The following LRP1B variants were observed in gnomAD, a reference collection of about 807,000 sequenced individuals.
LRP1B encodes the protein low-density lipoprotein receptor-related protein 1B.
In LRP1B, 217 loss-of-function variants were observed where a neutral mutation model predicts 556.6. The ratio of observed to expected loss-of-function variants is 0.39; its 90% CI spans 0.35 to 0.44. The LOEUF is 0.44. Among genes scored for constraint, LRP1B ranks in the 20% least tolerant of loss-of-function variants. LRP1B has a pLI of 1.00. For synonymous variants in LRP1B, 2,047 were observed against 1,865.8 expected (o/e 1.10, Z -2.50); for missense variants, 5,053 against 5,620.8 (o/e 0.90, Z 3.23).
chr2:141,459,612 G>C (rs891379233), intron 3 of LRP1B, among the ~76,000 whole-genome samples: 35 of 152,168 alleles, frequency 2.3e-4, no homozygotes, highest in African/African-American at 7.9e-4. Flanking sequence ...ACTGAGTCAG[G>C]AGGGTGGGTC....
rs566964320 is a variant in LRP1B, at chr2:140,996,834, A to T, written c.2504-2699T>A. 3.9e-5 allele frequency among the ~76,000 whole-genome samples: 6 copies of T among 152,150 alleles called. No individual in the cohort carries two copies. The East Asian group carries it at 1.2e-3, about 30-fold the overall frequency. ...AGGGATATGTAGACAGAACGAAGAG[A>T]GTCAAAGTTCCACCTACACTCAAAA... On this transcript the variant is annotated intron_variant, in intron 15 of 90. Coordinates refer to ENST00000389484, the MANE Select transcript of LRP1B (RefSeq NM_018557.3).
chr2:141,517,029 A>AAAAAAAAAAAAAAAACAAAAAAAC (rs772472942), intron 2 of LRP1B, among the ~76,000 whole-genome samples: 7 of 90,192 alleles, frequency 7.8e-5, no homozygotes, highest in Non-Finnish European at 1.3e-4. Context: ...AAAAAAAAAA[A>AAAAAAAAAAAAAAAACAAAAAAAC]AAAGTAAATC....
chr2:140,683,755 GTCTC>G, intron 41 of LRP1B: 1 of 963,700 alleles, frequency 1.0e-6, no homozygotes. Flanking sequence ...AGCCTTCTCA[GTCTC>G]TCTCTCCTGA....
intron 27 of LRP1B, among the ~76,000 whole-genome samples, chr2:140,855,490 T>TG (rs1248279437): frequency 6.4e-4 from 8 of 12,550 alleles, no homozygotes; most frequent in South Asian, 3.8e-3. Flanking sequence ...CCATCTCTAC[T>TG]GGGAAAAAAA....
intron 7 of LRP1B, among the ~76,000 whole-genome samples, chr2:141,088,398 A>C (rs886732656): frequency 6.6e-6 from 1 of 152,218 alleles, no homozygotes; most frequent in Non-Finnish European, 1.5e-5. Flanking sequence ...TAAAAAGTGA[A>C]ATAAAAACTT....
chr2:140,557,197 C>T (rs1343176298), intron 43 of LRP1B, among the ~76,000 whole-genome samples: 5 of 152,010 alleles, frequency 3.3e-5, no homozygotes, highest in African/African-American at 9.7e-5. Context: ...CTTCAACTCC[C>T]AACAATTTTC....
chr2:141,144,887 T>A (rs760571181), intron 7 of LRP1B, among the ~76,000 whole-genome samples: 4 of 152,210 alleles, frequency 2.6e-5, no homozygotes, highest in Non-Finnish European at 5.9e-5. Flanking sequence ...TAAATGAACA[T>A]GCACTCGATT....
chr2:140,801,084 A>G (rs1489681167), intron 32 of LRP1B, among the ~76,000 whole-genome samples: 2 of 152,130 alleles, frequency 1.3e-5, no homozygotes, highest in Non-Finnish European at 2.9e-5. Context: ...ATTTATTCAT[A>G]TATTTTACTA....
At chr2:142,007,833 CTGTAAG>C (rs1380472290) in intron 1 of LRP1B, among the ~76,000 whole-genome samples, 10 of 152,290 alleles carry the variant, frequency 6.6e-5, no homozygotes, top group South Asian at 2.1e-4. Flanking sequence ...CCATCTGGCT[CTGTAAG>C]TGTAAGTTAT....
chr2:140,467,420 A>G (rs942297901), intron 60 of LRP1B, among the ~76,000 whole-genome samples: 1 of 151,608 alleles, frequency 6.6e-6, no homozygotes, highest in Non-Finnish European at 1.5e-5. Flanking sequence ...CCTGGCCAAC[A>G]TGGTGAAACC....
At chr2:140,446,054 T>TAA (rs35912754) in intron 63 of LRP1B, among the ~76,000 whole-genome samples, 48,728 of 151,886 alleles carry the variant, frequency 0.32, 8,301 homozygotes, top group Non-Finnish European at 0.35. Flanking sequence ...TCCATAGAAA[T>TAA]GAGAGTTCTA....
At position 140,776,210 on chromosome 2, in the gene LRP1B, G is replaced by T; in HGVS notation, c.5388C>A (p.Asn1796Lys). The T allele has an allele frequency of 6.2e-7, 1 of 1,602,282 alleles. No individual in the cohort carries two copies. The highest frequency in any genetic ancestry group is 1.1e-5 in the South Asian group (1 of 90,010). Residue 1796 changes from asparagine to lysine, a missense_variant, in exon 33 of 91, where the codon AAC (asparagine) becomes AAA (lysine). Coordinates refer to ENST00000389484, the MANE Select transcript of LRP1B (RefSeq NM_018557.3). ...MDKKLWWADQ[N>K]LAQLGTCSKR... The stretch of plus-strand genomic sequence containing the variant: ...TGCTGCAGGTTCCTAGCTGGGCTAA[G>T]TTTTGGTCTGCCCACCACAGTTTCT...
chr2:140,287,443 C>T (rs767033359), intron 84 of LRP1B, among the ~76,000 whole-genome samples: 1 of 151,540 alleles, frequency 6.6e-6, no homozygotes, highest in South Asian at 2.1e-4. Context: ...TCGTCCTATC[C>T]ATCTGAATTT....
At chr2:142,000,685 G>A (rs919176939) in intron 1 of LRP1B, among the ~76,000 whole-genome samples, 1 of 151,970 alleles carries the variant, frequency 6.6e-6, no homozygotes, top group Non-Finnish European at 1.5e-5. Context: ...CTTACTTTTT[G>A]CCAGAAACAG....
chr2:141,248,676 T>C (rs1406628595), intron 4 of LRP1B, among the ~76,000 whole-genome samples: 1 of 152,128 alleles, frequency 6.6e-6, no homozygotes, highest in African/African-American at 2.4e-5. Context: ...TGAAGATATT[T>C]GTATGCTGAA....
At chr2:141,279,508 T>C (rs1027041168) in intron 3 of LRP1B, among the ~76,000 whole-genome samples, 1 of 152,074 alleles carries the variant, frequency 6.6e-6, no homozygotes, top group African/African-American at 2.4e-5. Context: ...TTGCTTGGCA[T>C]GTCACAAATT....
chr2:140,937,548 G>C (rs1695266276), intron 20 of LRP1B, among the ~76,000 whole-genome samples: 1 of 152,054 alleles, frequency 6.6e-6, no homozygotes, highest in Non-Finnish European at 1.5e-5. Context: ...ACAACAATAT[G>C]AATGTACTTA....
intron 18 of LRP1B, among the ~76,000 whole-genome samples, chr2:140,963,590 C>T (rs10928082): frequency 0.18 from 27,594 of 151,972 alleles, 2,603 homozygotes; most frequent in South Asian, 0.25. Flanking sequence ...GGCCAGTAAC[C>T]GGTGAGGCAG....
intron 1 of LRP1B, among the ~76,000 whole-genome samples, chr2:141,867,423 AAT>A (rs1698448006): frequency 6.6e-6 from 1 of 152,120 alleles, no homozygotes; most frequent in Non-Finnish European, 1.5e-5. Flanking sequence ...TACTCCCATG[AAT>A]ATATGTTTTC....
Sources: gnomAD v4.1 joint callset for allele counts (sites outside exome capture counted in the v4.1 genomes callset) on GRCh38, gnomAD v4.1.1 for gene constraint, MANE v1.5 for transcripts, NCBI Gene and HGNC (gene_info 2026-07-23, HGNC 2026-07-21) for gene names.